Variants in C7orf78 observed in about 807,000 individuals in gnomAD.
C7orf78 encodes the protein chromosome 7 open reading frame 78, also known as putative uncharacterized protein C7orf78.
At chr7:12,529,885 C>T in the C7orf78 span, among the ~76,000 whole-genome samples, 1 of 152,232 alleles carries the variant, frequency 6.6e-6, no homozygotes, top group African/African-American at 2.4e-5. Context: ...GCAGTGTGCT[C>T]CGCGCACAGC....
the C7orf78 span, among the ~76,000 whole-genome samples, chr7:12,511,579 C>T: frequency 0.19 from 29,139 of 152,018 alleles, 3,830 homozygotes; most frequent in African/African-American, 0.38. Context: ...TTATAGAGAT[C>T]TTTCACCTCG....
chr7:12,504,016 A>G, the C7orf78 span, among the ~76,000 whole-genome samples: 1 of 152,202 alleles, frequency 6.6e-6, no homozygotes, highest in Non-Finnish European at 1.5e-5. Flanking sequence ...AAGAACTTGT[A>G]ATCTTTATTT....
At chr7:12,502,767 TA>T in the C7orf78 span, among the ~76,000 whole-genome samples, 2 of 145,288 alleles carry the variant, frequency 1.4e-5, no homozygotes, top group African/African-American at 5.2e-5. Flanking sequence ...CATGCTGCTA[TA>T]AAGACACATG....
chr7:12,508,398 G>GAA, the C7orf78 span, among the ~76,000 whole-genome samples: 1 of 151,432 alleles, frequency 6.6e-6, no homozygotes, highest in Admixed American at 6.6e-5. Context: ...CATTTCATTG[G>GAA]AAAAAAAATC....
At chr7:12,516,247 G>A in the C7orf78 span, among the ~76,000 whole-genome samples, 1 of 152,196 alleles carries the variant, frequency 6.6e-6, no homozygotes, top group Non-Finnish European at 1.5e-5. Context: ...TGTAGAGCTT[G>A]GGCAATGGCT....
the C7orf78 span, among the ~76,000 whole-genome samples, chr7:12,519,776 C>T: frequency 6.6e-6 from 1 of 152,184 alleles, no homozygotes; most frequent in African/African-American, 2.4e-5. Context: ...TCTTTGGGCT[C>T]AGCCAATGCT....
the C7orf78 span, among the ~76,000 whole-genome samples, chr7:12,538,064 G>T: frequency 2.0e-5 from 3 of 152,144 alleles, no homozygotes; most frequent in African/African-American, 7.2e-5. Context: ...AGTATTTTCT[G>T]ACCTTGATGT....
chr7:12,501,310 A>G, the C7orf78 span, among the ~76,000 whole-genome samples: 1 of 147,524 alleles, frequency 6.8e-6, no homozygotes, highest in Non-Finnish European at 1.5e-5. Flanking sequence ...TGCAGATGAC[A>G]TGATTGTATA....
At chr7:12,522,833 C>T in the C7orf78 span, 9 of 394,922 alleles carry the variant, frequency 2.3e-5, no homozygotes, top group South Asian at 5.7e-4. Context: ...TTTCCTTCTC[C>T]TCCATACATA....
At chr7:12,532,548 C>CAAA in the C7orf78 span, among the ~76,000 whole-genome samples, 2 of 135,998 alleles carry the variant, frequency 1.5e-5, no homozygotes, top group Non-Finnish European at 1.6e-5. Context: ...GACTCTGTTT[C>CAAA]AAAAAAAAAA....
At chr7:12,483,753 C>T in the C7orf78 span, 1 of 150,890 alleles carries the variant, frequency 6.6e-6, no homozygotes, top group Admixed American at 6.6e-5. Flanking sequence ...TGGCGGGCGC[C>T]TGTAATCCCA....
chr7:12,493,813 T>C, the C7orf78 span, among the ~76,000 whole-genome samples: 1 of 152,238 alleles, frequency 6.6e-6, no homozygotes, highest in Non-Finnish European at 1.5e-5. Flanking sequence ...GAACAGTGCC[T>C]GGTCCACAGC....
At chr7:12,490,127 T>A in the C7orf78 span, among the ~76,000 whole-genome samples, 44,886 of 151,952 alleles carry the variant, frequency 0.3, 7,409 homozygotes, top group African/African-American at 0.45. Context: ...ATTTTTTGAG[T>A]GGTTAGTATC....
the C7orf78 span, among the ~76,000 whole-genome samples, chr7:12,517,928 C>T: frequency 6.6e-6 from 1 of 151,752 alleles, no homozygotes; most frequent in Non-Finnish European, 1.5e-5. Flanking sequence ...TTATTTTATT[C>T]CTTTGGGGGT....
At chr7:12,510,774 C>A in the C7orf78 span, among the ~76,000 whole-genome samples, 1 of 151,998 alleles carries the variant, frequency 6.6e-6, no homozygotes, top group East Asian at 1.9e-4. Flanking sequence ...GTTTAAGTTC[C>A]TTGTATATGT....
chr7:12,515,189 C>A, the C7orf78 span, among the ~76,000 whole-genome samples: 14 of 152,248 alleles, frequency 9.2e-5, no homozygotes, highest in African/African-American at 3.1e-4. Flanking sequence ...TCCCATAATT[C>A]CCATGTGTTG....
chr7:12,523,115 C>G, the C7orf78 span: 1 of 398,336 alleles, frequency 2.5e-6, no homozygotes, highest in Non-Finnish European at 4.4e-6. Context: ...GCAACCTCCA[C>G]AATGTAAAAT....
At chr7:12,496,488 T>C in the C7orf78 span, 1 of 148,802 alleles carries the variant, frequency 6.7e-6, no homozygotes, top group African/African-American at 2.4e-5. Context: ...TCTACTGTCA[T>C]CAAGGGTTAG....
chr7:12,507,869 T>G, the C7orf78 span, among the ~76,000 whole-genome samples: 1 of 152,176 alleles, frequency 6.6e-6, no homozygotes, highest in Admixed American at 6.5e-5. Flanking sequence ...TACCATGGGT[T>G]TTGTGCATAG....
Sources: allele counts gnomAD v4.1 joint callset (sites outside exome capture counted in the v4.1 genomes callset), GRCh38; gene constraint gnomAD v4.1.1; transcripts MANE v1.5; gene names NCBI Gene and HGNC (gene_info 2026-07-23, HGNC 2026-07-21).